ZRANB3: variants seen among roughly 807,000 people sequenced by gnomAD.
The protein encoded by ZRANB3 is zinc finger RANBP2-type containing 3.
Under a neutral mutation model 133.8 loss-of-function variants are expected in ZRANB3, and 125 were observed. That is an observed-to-expected ratio of 0.93 (90% CI 0.81 to 1.08). ZRANB3 has a LOEUF of 1.08. ZRANB3 is among the 50% of genes least tolerant of loss of function. The probability of loss-of-function intolerance (pLI) is 0.00; values close to 1 mark genes in which losing one functional copy is unlikely to be tolerated. For synonymous variants in ZRANB3, 387 were observed against 432.7 expected, an observed-to-expected ratio of 0.89 and a Z score of 1.31; for missense variants, 1,229 against 1,275.5, an observed-to-expected ratio of 0.96 and a Z score of 0.56.
At chr2:135,241,365 C>CT (rs398060565) in intron 12 of ZRANB3, among the ~76,000 whole-genome samples, 17,868 of 126,018 alleles carry the variant, frequency 0.14, 1,455 homozygotes, top group South Asian at 0.33. Flanking sequence ...ATTCTCTGTT[C>CT]TTTTTTTTTT....
At chr2:135,233,514 A>C (rs1320915251) in intron 12 of ZRANB3, among the ~76,000 whole-genome samples, 6 of 152,230 alleles carry the variant, frequency 3.9e-5, no homozygotes, top group Non-Finnish European at 7.3e-5. Context: ...AGTTGAAATG[A>C]AGGAAAAAAT....
chr2:135,493,531 T>A (rs894448132), intron 2 of ZRANB3, among the ~76,000 whole-genome samples: 2 of 152,072 alleles, frequency 1.3e-5, no homozygotes, highest in Admixed American at 1.3e-4. Flanking sequence ...ATAACATATA[T>A]AACTATATAA....
chr2:135,368,019 A>G (rs142577266), intron 3 of ZRANB3, among the ~76,000 whole-genome samples: 14 of 152,272 alleles, frequency 9.2e-5, no homozygotes, highest in Middle Eastern at 3.4e-3. Flanking sequence ...CTATACATAG[A>G]ATATACTCAA....
intron 2 of ZRANB3, among the ~76,000 whole-genome samples, chr2:135,495,609 T>G (rs1192979341): frequency 6.6e-6 from 1 of 152,158 alleles, no homozygotes; most frequent in African/African-American, 2.4e-5. Context: ...ACATAAAAGT[T>G]ATTCTCTATT....
chr2:135,255,202 C>T (rs1679595782), intron 12 of ZRANB3, among the ~76,000 whole-genome samples: 1 of 151,838 alleles, frequency 6.6e-6, no homozygotes, highest in South Asian at 2.1e-4. Flanking sequence ...ATGCTAGGTG[C>T]CACTTAATCA....
At chr2:135,297,738 G>A (rs1235435934) in intron 8 of ZRANB3, among the ~76,000 whole-genome samples, 1 of 152,148 alleles carries the variant, frequency 6.6e-6, no homozygotes, top group Non-Finnish European at 1.5e-5. Context: ...CTTTGTCTTT[G>A]TCAGATTGCA....
At chr2:135,486,719 G>A (rs564965957) in intron 2 of ZRANB3, among the ~76,000 whole-genome samples, 2 of 152,224 alleles carry the variant, frequency 1.3e-5, no homozygotes, top group African/African-American at 4.8e-5. Flanking sequence ...TTGCCATGTT[G>A]ACTAGGCTGG....
Position 135,380,207 on chromosome 2 carries a change from A to G in ZRANB3, c.180+10595T>C, listed in dbSNP as rs181059892. ...AAGAGACTTAGACTCCCACAAAATA[A>G]TAATGGGAGACTTTTAAAACCCCAC... On this transcript the variant is annotated intron_variant, in intron 3 of 20. Coordinates refer to ENST00000264159, the MANE Select transcript of ZRANB3 (RefSeq NM_032143.4). 7.2e-5 allele frequency among the ~76,000 whole-genome samples: 11 copies of G among 152,288 alleles called. No individual in the cohort carries two copies. In the East Asian group the frequency reaches 1.9e-3, roughly 27 times the overall value.
intron 11 of ZRANB3, among the ~76,000 whole-genome samples, chr2:135,267,463 T>C (rs527983226): frequency 6.6e-6 from 1 of 152,180 alleles, no homozygotes; most frequent in African/African-American, 2.4e-5. Context: ...TTCTTTTTTT[T>C]AGAAGAGGGT....
chr2:135,330,779 A>AG (rs1684099207), intron 6 of ZRANB3, among the ~76,000 whole-genome samples: 1 of 152,016 alleles, frequency 6.6e-6, no homozygotes, highest in Non-Finnish European at 1.5e-5. Context: ...TAGTCTTGGG[A>AG]GGGTGTATGT....
chr2:135,224,853 T>A (rs1416687473), intron 14 of ZRANB3, among the ~76,000 whole-genome samples: 1 of 152,178 alleles, frequency 6.6e-6, no homozygotes, highest in Non-Finnish European at 1.5e-5. Context: ...TTTAGACTAA[T>A]CTATTCCTTT....
intron 17 of ZRANB3, among the ~76,000 whole-genome samples, chr2:135,216,621 T>C (rs1319181324): frequency 6.7e-6 from 1 of 149,948 alleles, no homozygotes; most frequent in Non-Finnish European, 1.5e-5. Context: ...TTTTTTTTTA[T>C]AGAAACAGGG....
At chr2:135,259,880 G>A (rs1679866005) in intron 12 of ZRANB3, among the ~76,000 whole-genome samples, 1 of 151,974 alleles carries the variant, frequency 6.6e-6, no homozygotes, top group Non-Finnish European at 1.5e-5. Flanking sequence ...ACGCCATCTA[G>A]TAATCTAGTG....
chr2:135,279,314 T>C (rs1680988282), intron 8 of ZRANB3, among the ~76,000 whole-genome samples: 1 of 152,210 alleles, frequency 6.6e-6, no homozygotes, highest in Non-Finnish European at 1.5e-5. Flanking sequence ...ATGTCTAAGT[T>C]TTCTAAACCA....
Position 135,412,692 on chromosome 2 carries a change from T to C in ZRANB3, c.162-21872A>G, listed in dbSNP as rs141698612. Among the ~76,000 whole-genome samples, 452 of 147,164 alleles carry C rather than the reference T, an allele frequency of 3.1e-3. 2 individuals carry two copies. Among genetic ancestry groups the C allele is most frequent in the African/African-American group, 0.011 (428 of 37,660 alleles). On this transcript the variant is annotated intron_variant, in intron 2 of 20. Transcript: ENST00000264159. ...ATTATACATCCTGAAAATAATAAAT[T>C]CTCTCAAAACAGCTGAGGTATACCT... is the stretch of plus-strand genomic sequence containing the variant.
intron 1 of ZRANB3, among the ~76,000 whole-genome samples, chr2:135,513,779 T>C (rs1360994223): frequency 6.6e-6 from 1 of 152,244 alleles, no homozygotes; most frequent in African/African-American, 2.4e-5. Context: ...AAGTCTTTAA[T>C]CCATCTTGAG....
intron 5 of ZRANB3, among the ~76,000 whole-genome samples, chr2:135,349,716 T>C (rs17329834): frequency 0.049 from 7,416 of 151,820 alleles, 253 homozygotes; most frequent in Middle Eastern, 0.12. Flanking sequence ...TTATGAAGAA[T>C]ATTATAAAGT....
intron 2 of ZRANB3, among the ~76,000 whole-genome samples, chr2:135,496,420 C>T (rs942861293): frequency 6.9e-5 from 10 of 143,928 alleles, no homozygotes; most frequent in Admixed American, 2.1e-4. Flanking sequence ...AAACGAAATC[C>T]GCAGATTAAG....
intron 2 of ZRANB3, among the ~76,000 whole-genome samples, chr2:135,429,509 C>T (rs1689229526): frequency 6.6e-6 from 1 of 152,058 alleles, no homozygotes; most frequent in African/African-American, 2.4e-5. Context: ...ACATGTACCC[C>T]TGAACCTAAA....
Sources: allele counts gnomAD v4.1 joint callset (sites outside exome capture counted in the v4.1 genomes callset), GRCh38; gene constraint gnomAD v4.1.1; transcripts MANE v1.5; gene names NCBI Gene and HGNC (gene_info 2026-07-23, HGNC 2026-07-21).